PFKM: variants seen among roughly 807,000 people sequenced by gnomAD.
PFKM encodes ATP-dependent 6-phosphofructokinase, muscle type.
In PFKM, 58 loss-of-function variants were observed where a neutral mutation model predicts 95.5. That is an observed-to-expected ratio of 0.61 (90% CI 0.49 to 0.76). The LOEUF is 0.76. Among genes scored for constraint, PFKM ranks in the 30% least tolerant of loss-of-function variants. The pLI is 0.00. For synonymous variants in PFKM, 336 were observed against 357.2 expected, an observed-to-expected ratio of 0.94 and a Z score of 0.67; for missense variants, 678 against 1,005.4, an observed-to-expected ratio of 0.67 and a Z score of 4.40.
chr12:48,143,884 C>T, intron 19 of PFKM, 70 bp downstream of exon 19: 1 of 1,278,588 alleles, frequency 7.8e-7, no homozygotes, highest in Non-Finnish European at 1.1e-6. Flanking sequence ...ATAGAATGGC[C>T]ATTGTTGGGA....
At chr12:48,126,665 C>G (rs2135781879) in intron 2 of PFKM, among the ~76,000 whole-genome samples, 1 of 152,288 alleles carries the variant, frequency 6.6e-6, no homozygotes, top group East Asian at 1.9e-4. Flanking sequence ...ACCATTTACT[C>G]AGCTTGGGAA....
Position 48,127,757 on chromosome 12 carries a change from T to C in PFKM, c.86-2606T>C, listed in dbSNP as rs558840017. Among the ~76,000 whole-genome samples, 18 of 152,352 alleles carry C rather than the reference T, an allele frequency of 1.2e-4. No homozygotes were observed. The South Asian group carries it at 2.9e-3, about 25-fold the overall frequency. ...CATGTCCCTCTGCTCTCTAAATTCT[T>C]CAGGGATTCTTTGTTGTATGCAACT... On this transcript the variant is annotated intron_variant, in intron 2 of 22. Transcript: ENST00000359794.
chr12:48,121,146 G>A (rs1440817035), intron 1 of PFKM, among the ~76,000 whole-genome samples: 1 of 152,202 alleles, frequency 6.6e-6, no homozygotes, highest in Non-Finnish European at 1.5e-5. Flanking sequence ...TTGACCTGTG[G>A]TAATCAGTGA....
At chr12:48,141,006 T>C (rs971910146) in intron 14 of PFKM, 135 bp downstream of exon 14, 1 of 879,506 alleles carries the variant, frequency 1.1e-6, no homozygotes, top group Non-Finnish European at 1.8e-6. Context: ...CAGAAGTAGA[T>C]ATTTAATACT....
At chr12:48,144,950 C>CT (rs955994717) in intron 20 of PFKM, 81 bp from the exon 21 acceptor site, 2 of 1,040,130 alleles carry the variant, frequency 1.9e-6, no homozygotes, top group East Asian at 2.4e-5. Flanking sequence ...GCCCATCTTT[C>CT]TTTTTTTCTC....
chr12:48,135,643 A>G (rs1210338806), intron 10 of PFKM, among the ~76,000 whole-genome samples: 1 of 152,194 alleles, frequency 6.6e-6, no homozygotes, highest in Admixed American at 6.5e-5. Context: ...TATATTTTTA[A>G]TACGAATTTT....
In PFKM at chr12:48,139,329, A is replaced by G; in HGVS notation, c.1107A>G (p.Glu369=). 6.2e-7 allele frequency: 1 copy of G among 1,613,852 alleles called. No individual in the cohort carries two copies. Among genetic ancestry groups the G allele is most frequent in the Non-Finnish European group, 8.5e-7 (1 of 1,179,830 alleles). The part of the protein sequence containing the change: ...TKAMDEKKFD[E]ALKLRGRSFM... ...CCATGGATGAGAAGAAATTTGACGA[A>G]GCCCTGAAGCTGAGAGGCCGGTGAG... The change falls in exon 12 of 23, where the codon GAA becomes GAG. Residue 369 remains glutamate, a synonymous_variant. Transcript: ENST00000359794.
At chr12:48,137,909 G>T in intron 11 of PFKM, 63 bp downstream of exon 11, 2 of 1,581,828 alleles carry the variant, frequency 1.3e-6, no homozygotes, top group Non-Finnish European at 1.7e-6. Context: ...AGCTCAAGGG[G>T]CATGAGACTA....
chr12:48,117,037 C>T (rs982210632), upstream of PFKM, among the ~76,000 whole-genome samples: 1 of 152,188 alleles, frequency 6.6e-6, no homozygotes. Context: ...CCTTCTCTAT[C>T]CCAAGCCCCA....
chr12:48,145,732 GA>G lies in PFKM; in HGVS notation c.*25del. On this transcript the variant is annotated 3_prime_UTR_variant, in exon 23 of 23. Coordinates refer to ENST00000359794, the MANE Select transcript of PFKM (RefSeq NM_000289.6). This position sits in a 1 kb window ranked among gnomAD's most constrained non-coding sequence, Gnocchi z 4.3. ...AAACCTCTCTGGAGTGAGGGGAATA[GA>G]TTACCTGATCATGGTCAGCTCACAC... 6.2e-7 allele frequency: 1 copy of G among 1,612,624 alleles called. No individual in the cohort carries two copies.
chr12:48,135,622 GT>G (rs1950008852), intron 10 of PFKM, among the ~76,000 whole-genome samples: 1 of 152,108 alleles, frequency 6.6e-6, no homozygotes, highest in Non-Finnish European at 1.5e-5. Context: ...TTTTTGTTTT[GT>G]TTTGTTTCAT....
chr12:48,130,154 G>A (rs1949320622), intron 2 of PFKM, among the ~76,000 whole-genome samples: 1 of 152,216 alleles, frequency 6.6e-6, no homozygotes, highest in African/African-American at 2.4e-5. Flanking sequence ...AGCAATGAAT[G>A]CAGATTATCT....
upstream of PFKM, chr12:48,105,871 T>C (rs1315990670): frequency 5.0e-6 from 3 of 597,476 alleles, no homozygotes; most frequent in Non-Finnish European, 8.9e-6. Context: ...GGAGGGGAGG[T>C]GGTCCCAGGG....
chr12:48,116,992 C>T (rs1302609400), upstream of PFKM, among the ~76,000 whole-genome samples: 4 of 152,056 alleles, frequency 2.6e-5, no homozygotes, highest in African/African-American at 9.7e-5. Flanking sequence ...ATTTTAGTGC[C>T]CCTAAAATCC....
intron 13 of PFKM, 47 bp from the exon 14 acceptor site, chr12:48,140,675 C>T (rs377050992): frequency 4.4e-5 from 70 of 1,605,586 alleles, no homozygotes; most frequent in Middle Eastern, 1.6e-4. Flanking sequence ...CTCCCTGTTC[C>T]CCTGCTGGGT....
chr12:48,123,446 T>A (rs1263751582), intron 2 of PFKM, among the ~76,000 whole-genome samples: 1 of 152,114 alleles, frequency 6.6e-6, no homozygotes, highest in Non-Finnish European at 1.5e-5. Flanking sequence ...CAAAAACCCT[T>A]TTCTAGGTTG....
At position 48,139,278 on chromosome 12, in the gene PFKM, C is replaced by T. The variant is rs776228408; in HGVS notation, c.1063-7C>T. ...GAGTTGAAACTGTCGCTGTGCTCCC[C>T]CCTCAGACCAAAGATGTGACCAAGG... is the stretch of plus-strand genomic sequence containing the variant. On this transcript the variant is annotated splice_polypyrimidine_tract_variant and splice_region_variant and intron_variant, in intron 11 of 22. Transcript: ENST00000359794. The T allele has an allele frequency of 5.0e-6, 8 of 1,612,198 alleles. No individual in the cohort carries two copies. In the South Asian group the frequency reaches 6.6e-5, roughly 13 times the overall value.
intron 20 of PFKM, 36 bp downstream of exon 20, chr12:48,144,193 C>G: frequency 7.3e-7 from 1 of 1,372,256 alleles, no homozygotes; most frequent in Admixed American, 1.7e-5. Context: ...CTTCATCAGA[C>G]AGCCATACCT....
At chr12:48,122,569 A>G (rs1222810983) in intron 1 of PFKM, 198 bp from the exon 2 acceptor site, 3 of 1,420,730 alleles carry the variant, frequency 2.1e-6, no homozygotes, top group Middle Eastern at 2.6e-4. Flanking sequence ...GCTTGATTAC[A>G]TGACATTTCA....
Sources: gnomAD v4.1 joint callset for allele counts (sites outside exome capture counted in the v4.1 genomes callset) on GRCh38, gnomAD v4.1.1 for gene constraint, Gnocchi (gnomAD v3.1) non-coding constraint, MANE v1.5 for transcripts, NCBI Gene and HGNC (gene_info 2026-07-23, HGNC 2026-07-21) for gene names.